Variants in SKAP1 observed in about 807,000 individuals in gnomAD.
SKAP1 encodes the protein src kinase-associated phosphoprotein 1.
In SKAP1, 44 loss-of-function variants were observed where a neutral mutation model predicts 58.5. The ratio of observed to expected loss-of-function variants is 0.75; its 90% confidence interval spans 0.59 to 0.97. SKAP1 has a LOEUF of 0.97. SKAP1 is among the 50% of genes least tolerant of loss of function. The probability of loss-of-function intolerance (pLI) is 0.00; values close to 1 mark genes in which losing one functional copy is unlikely to be tolerated. For synonymous variants in SKAP1, 127 were observed against 149.7 expected (o/e 0.85, Z 1.11); for missense variants, 390 against 435.2 (o/e 0.90, Z 0.92).
chr17:48,156,483 C>T (rs1397225938), intron 11 of SKAP1: 1 of 528,126 alleles, frequency 1.9e-6, no homozygotes, highest in African/African-American at 1.9e-5. Flanking sequence ...CCTGCTGTGG[C>T]TTGAGCTGCA....
intron 11 of SKAP1, among the ~76,000 whole-genome samples, chr17:48,138,471 G>A (rs2063729259): frequency 1.3e-5 from 2 of 151,572 alleles, no homozygotes; most frequent in Admixed American, 6.6e-5. Context: ...CCAGGTTCAA[G>A]CGATTCTCCT....
chr17:48,154,324 C>A (rs370797947), intron 11 of SKAP1, among the ~76,000 whole-genome samples: 4 of 152,204 alleles, frequency 2.6e-5, no homozygotes, highest in Non-Finnish European at 5.9e-5. Context: ...GACAGCATCA[C>A]GTGTTCCACG....
chr17:48,325,623 T>C (rs1055052930), intron 4 of SKAP1, among the ~76,000 whole-genome samples: 2 of 152,202 alleles, frequency 1.3e-5, no homozygotes, highest in South Asian at 4.1e-4. Context: ...TGGATTTCAA[T>C]TTCTTTTAAA....
In SKAP1 at chr17:48,229,634, T is replaced by G. The variant is rs2065106189; in HGVS notation, c.281-40134A>C. On this transcript the variant is annotated intron_variant, in intron 4 of 12. Transcript: ENST00000336915. ...AGACTCTGTCTCAAAAATAAATAAA[T>G]AAATAAAATATACATAAAAAATAAA... Among the ~76,000 whole-genome samples, 4 of 151,956 alleles carry G rather than the reference T, an allele frequency of 2.6e-5. No homozygotes were observed. The South Asian group carries it at 6.2e-4, about 24-fold the overall frequency.
At chr17:48,135,982 T>A (rs1386782933) in intron 12 of SKAP1, among the ~76,000 whole-genome samples, 1 of 152,140 alleles carries the variant, frequency 6.6e-6, no homozygotes, top group Non-Finnish European at 1.5e-5. Flanking sequence ...ATTGCTAGTT[T>A]TATCCCAATA....
chr17:48,419,891 T>G (rs1426911382), intron 1 of SKAP1, among the ~76,000 whole-genome samples: 1 of 152,126 alleles, frequency 6.6e-6, no homozygotes, highest in Admixed American at 6.6e-5. Context: ...CACAAATGAT[T>G]TTATTAGAGT....
intron 4 of SKAP1, among the ~76,000 whole-genome samples, chr17:48,331,172 T>C (rs1178614614): frequency 3.3e-5 from 5 of 152,196 alleles, no homozygotes; most frequent in Non-Finnish European, 7.3e-5. Context: ...AGGTGAAGAA[T>C]GATGCCGATT....
intron 4 of SKAP1, among the ~76,000 whole-genome samples, chr17:48,318,090 T>G (rs1185585464): frequency 6.6e-6 from 1 of 152,214 alleles, no homozygotes; most frequent in Non-Finnish European, 1.5e-5. Flanking sequence ...TTAGATTTCA[T>G]GTAAAGCACC....
rs185531636 is a variant in SKAP1 at position 48,140,465 on chromosome 17, A to G, written c.979-3128T>C. Among the ~76,000 whole-genome samples the G allele has an allele frequency of 4.9e-4, 75 of 152,060 alleles. 1 individual carries two copies. The highest frequency in any genetic ancestry group is 1.3e-3 in the Admixed American group (20 of 15,274). ...CTTCTCTTCTGTCTTGATGCGCTTT[A>G]CTAGAGCAATCCCATATATCTCTGT... is the stretch of plus-strand genomic sequence containing the variant. On this transcript the variant is annotated intron_variant, in intron 11 of 12. Coordinates refer to ENST00000336915, the MANE Select transcript of SKAP1 (RefSeq NM_003726.4).
chr17:48,237,927 T>C (rs1280317748), intron 4 of SKAP1, among the ~76,000 whole-genome samples: 1 of 152,090 alleles, frequency 6.6e-6, no homozygotes, highest in Admixed American at 6.5e-5. Flanking sequence ...AGATTTTTTT[T>C]TTTTTTTTTG....
At chr17:48,363,554 T>C (rs1339049295) in intron 3 of SKAP1, among the ~76,000 whole-genome samples, 3 of 152,184 alleles carry the variant, frequency 2.0e-5, no homozygotes, top group Non-Finnish European at 4.4e-5. Context: ...ATAGCCTTGG[T>C]TTTATAAAAT....
intron 3 of SKAP1, among the ~76,000 whole-genome samples, chr17:48,353,897 C>CAA (rs200738005): frequency 9.9e-5 from 6 of 60,758 alleles, no homozygotes; most frequent in Non-Finnish European, 1.3e-4. Context: ...GACTCTGTCT[C>CAA]AAAAAAAAAA....
At chr17:48,288,013 T>C (rs1334960900) in intron 4 of SKAP1, among the ~76,000 whole-genome samples, 3 of 152,170 alleles carry the variant, frequency 2.0e-5, no homozygotes, top group African/African-American at 7.2e-5. Context: ...GAAAAATTGG[T>C]AAAAACATGG....
chr17:48,154,961 G>C (rs946158442), intron 11 of SKAP1, among the ~76,000 whole-genome samples: 3 of 151,500 alleles, frequency 2.0e-5, no homozygotes, highest in African/African-American at 7.3e-5. Flanking sequence ...TAGGGAGGTT[G>C]AGGCAGGAGA....
At chr17:48,398,628 A>G (rs1439842848) in intron 1 of SKAP1, among the ~76,000 whole-genome samples, 1 of 152,134 alleles carries the variant, frequency 6.6e-6, no homozygotes, top group Admixed American at 6.6e-5. Context: ...AAATATTGCT[A>G]TGAATTTATA....
intron 4 of SKAP1, among the ~76,000 whole-genome samples, chr17:48,278,803 G>T (rs984575867): frequency 3.3e-5 from 5 of 152,080 alleles, no homozygotes; most frequent in Admixed American, 6.6e-5. Flanking sequence ...CAGATTTTAG[G>T]GGGGAGAAAA....
At chr17:48,281,895 T>C (rs2065770821) in intron 4 of SKAP1, among the ~76,000 whole-genome samples, 1 of 152,170 alleles carries the variant, frequency 6.6e-6, no homozygotes, top group Non-Finnish European at 1.5e-5. Context: ...TTTTTAAAAA[T>C]CCTAGTTTAT....
chr17:48,297,791 A>G (rs952542667), intron 4 of SKAP1, among the ~76,000 whole-genome samples: 1 of 152,228 alleles, frequency 6.6e-6, no homozygotes, highest in African/African-American at 2.4e-5. Context: ...GAATGGACCT[A>G]TGTAACTTTA....
At chr17:48,172,341 C>T (rs189827299) in intron 9 of SKAP1, among the ~76,000 whole-genome samples, 4 of 152,234 alleles carry the variant, frequency 2.6e-5, no homozygotes, top group Admixed American at 6.5e-5. Flanking sequence ...AATGTTTATA[C>T]GGTCAAAGTC....
Sources: gnomAD v4.1 joint callset for allele counts (sites outside exome capture counted in the v4.1 genomes callset) on GRCh38, gnomAD v4.1.1 for gene constraint, MANE v1.5 for transcripts, NCBI Gene and HGNC (gene_info 2026-07-23, HGNC 2026-07-21) for gene names.